SYT2: variants seen among roughly 807,000 people sequenced by gnomAD.
SYT2 encodes the protein synaptotagmin-2.
Under a neutral mutation model 39.9 loss-of-function variants are expected in SYT2, and 15 were observed. That is an observed-to-expected ratio of 0.38 (90% CI 0.25 to 0.58). The LOEUF (loss-of-function observed/expected upper bound fraction) is 0.58, where lower values mean the gene tolerates loss of function less well. SYT2 is among the 20% of genes least tolerant of loss of function. The pLI is 0.70. For missense variants in SYT2, 389 were observed against 530.3 expected (o/e 0.73, Z 2.62); for synonymous variants, 181 against 204.5 (o/e 0.89, Z 0.98).
At chr1:202,624,858 GGTGTGTGGTGT>G (rs1691329346) in intron 1 of SYT2, among the ~76,000 whole-genome samples, 1 of 29,816 alleles carries the variant, frequency 3.4e-5, no homozygotes, top group African/African-American at 1.5e-4. Flanking sequence ...TGTGTAGTAG[GGTGTGTGGTGT>G]GTGTGTGATG....
rs1303289144 is a variant in SYT2, at chr1:202,599,263, G to A, written c.1008C>T (p.Tyr336=). 5 of 1,612,924 alleles carry A rather than the reference G, an allele frequency of 3.1e-6. No individual in the cohort carries two copies. Among genetic ancestry groups the A allele is most frequent in the East Asian group, 4.5e-5 (2 of 44,808 alleles). ...TTVKKKTLNP[Y]FNESFSFEIP... ...TCTCAAAGCTGAAGGACTCGTTGAA[G>A]TATGGGTTCAGGGTCTTCTTCTTCA... Residue 336 remains tyrosine (Y), a synonymous_variant, in exon 8 of 9, where the codon TAC becomes TAT. Coordinates refer to ENST00000367268, the MANE Select transcript of SYT2 (RefSeq NM_177402.5). The surrounding 1 kb of genome is among the most constrained non-coding windows in gnomAD (Gnocchi z 4.4).
At chr1:202,616,422 A>C (rs530357542) in intron 1 of SYT2, among the ~76,000 whole-genome samples, 5 of 151,888 alleles carry the variant, frequency 3.3e-5, no homozygotes, top group Admixed American at 2.6e-4. Flanking sequence ...CACATCACCC[A>C]CCAAAAATGA....
chr1:202,618,661 ATGAGAT>A, intron 1 of SYT2, among the ~76,000 whole-genome samples: 1 of 152,316 alleles, frequency 6.6e-6, no homozygotes, highest in African/African-American at 2.4e-5. Flanking sequence ...CTGGGATTAA[ATGAGAT>A]GTTGCATGGG....
At chr1:202,699,677 A>ATG (rs1216863091) in intron 1 of SYT2, among the ~76,000 whole-genome samples, 3 of 152,218 alleles carry the variant, frequency 2.0e-5, no homozygotes, top group African/African-American at 7.2e-5. Flanking sequence ...GGTGAATATT[A>ATG]TGATCTATAA....
chr1:202,650,597 G>A (rs1692173224), intron 1 of SYT2, among the ~76,000 whole-genome samples: 1 of 152,110 alleles, frequency 6.6e-6, no homozygotes, highest in Non-Finnish European at 1.5e-5. Context: ...CACCACACCT[G>A]GCTATGATAT....
At position 202,626,569 on chromosome 1, in the gene SYT2, G is replaced by A. The variant is rs571927260; in HGVS notation, c.-17-20780C>T. On this transcript the variant is annotated intron_variant, in intron 1 of 8. Transcript: ENST00000367268. ...TTTTGTAGAGAAGGGGTCTCACTAT[G>A]TTGCCCAGGATGGTCTCAAACTCCT... Among the ~76,000 whole-genome samples the A allele has an allele frequency of 3.3e-4, 50 of 151,872 alleles. No individual in the cohort carries two copies. In the South Asian group the frequency reaches 0.01, roughly 31 times the overall value.
intron 1 of SYT2, among the ~76,000 whole-genome samples, chr1:202,672,399 A>G (rs1338958384): frequency 1.3e-5 from 2 of 152,142 alleles, no homozygotes; most frequent in Non-Finnish European, 2.9e-5. Context: ...AGCCAGGAAG[A>G]GGGCCCTCAC....
intron 1 of SYT2, among the ~76,000 whole-genome samples, chr1:202,688,699 G>C (rs1378954429): frequency 6.6e-6 from 1 of 152,242 alleles, no homozygotes. Context: ...GCAGCAAGAA[G>C]GTCTCCGACT....
intron 1 of SYT2, among the ~76,000 whole-genome samples, chr1:202,656,344 G>C (rs935548397): frequency 6.6e-6 from 1 of 152,130 alleles, no homozygotes; most frequent in Admixed American, 6.5e-5. Flanking sequence ...TGAGGGCTTC[G>C]GCTCCCCTAT....
chr1:202,637,003 C>T (rs1400546927), intron 1 of SYT2, among the ~76,000 whole-genome samples: 4 of 152,150 alleles, frequency 2.6e-5, no homozygotes, highest in African/African-American at 9.7e-5. Flanking sequence ...TACAAGGCTC[C>T]TCATATCCCA....
intron 1 of SYT2, among the ~76,000 whole-genome samples, chr1:202,666,419 G>A (rs919378768): frequency 4.6e-5 from 7 of 152,102 alleles, no homozygotes; most frequent in Admixed American, 3.9e-4. Flanking sequence ...CCTAGAATGC[G>A]GAGGGCCCAG....
chr1:202,619,453 C>T (rs571985964), intron 1 of SYT2, among the ~76,000 whole-genome samples: 1 of 152,284 alleles, frequency 6.6e-6, no homozygotes, highest in South Asian at 2.1e-4. Flanking sequence ...GAGGCCCCAA[C>T]AAGGGAGAAG....
chr1:202,608,147 T>C (rs1331686465), intron 1 of SYT2, among the ~76,000 whole-genome samples: 1 of 152,236 alleles, frequency 6.6e-6, no homozygotes, highest in Non-Finnish European at 1.5e-5. Flanking sequence ...TCAATGGAAT[T>C]ATAAAATATG....
chr1:202,630,316 G>A (rs1572640689), intron 1 of SYT2: 1 of 951,104 alleles, frequency 1.1e-6, no homozygotes, highest in African/African-American at 1.8e-5. Context: ...ACCAGGTGCT[G>A]GAGGACACAT....
chr1:202,625,701 T>C (rs1036165086), intron 1 of SYT2, among the ~76,000 whole-genome samples: 5 of 151,778 alleles, frequency 3.3e-5, no homozygotes, highest in African/African-American at 1.2e-4. Flanking sequence ...CCCGCCAGGC[T>C]CCCTCCCAGG....
intron 1 of SYT2, among the ~76,000 whole-genome samples, chr1:202,640,302 C>T (rs1369985665): frequency 1.1e-4 from 15 of 139,482 alleles, no homozygotes; most frequent in Non-Finnish European, 4.5e-5. Flanking sequence ...CACGGACCAA[C>T]AAAGCCAGAA....
intron 1 of SYT2, among the ~76,000 whole-genome samples, chr1:202,686,397 A>C (rs556502550): frequency 3.9e-5 from 6 of 152,280 alleles, no homozygotes; most frequent in East Asian, 3.9e-4. Context: ...GTCTGCCTTC[A>C]TGTCATCTCT....
At chr1:202,672,794 GCTA>G (rs1692619334) in intron 1 of SYT2, among the ~76,000 whole-genome samples, 8 of 112,374 alleles carry the variant, frequency 7.1e-5, no homozygotes, top group Non-Finnish European at 1.5e-4. Context: ...AGAGAGAGAG[GCTA>G]AGGCAACACT....
intron 3 of SYT2, among the ~76,000 whole-genome samples, chr1:202,603,749 A>T (rs910904618): frequency 6.6e-6 from 1 of 152,068 alleles, no homozygotes; most frequent in Non-Finnish European, 1.5e-5. Flanking sequence ...ATACATACAC[A>T]TACCTGCATG....
Sources: allele counts gnomAD v4.1 joint callset (sites outside exome capture counted in the v4.1 genomes callset), GRCh38; gene constraint gnomAD v4.1.1; non-coding constraint Gnocchi (gnomAD v3.1); transcripts MANE v1.5; gene names NCBI Gene and HGNC (gene_info 2026-07-23, HGNC 2026-07-21).